PDSS2: variants seen among roughly 807,000 people sequenced by gnomAD.
PDSS2 encodes decaprenyl diphosphate synthase subunit 2.
A neutral mutation model predicts 44.5 loss-of-function variants in PDSS2; 31 were observed. The ratio of observed to expected loss-of-function variants is 0.70; its 90% CI spans 0.52 to 0.94. PDSS2 has a LOEUF of 0.94. Among genes scored for constraint, PDSS2 ranks in the 40% least tolerant of loss-of-function variants. The pLI is 0.00. For synonymous variants in PDSS2, 157 were observed against 180.3 expected (o/e 0.87, Z 1.03); for missense variants, 452 against 482.2 (o/e 0.94, Z 0.59).
chr6:107,311,042 T>C (rs2115115052), intron 2 of PDSS2, among the ~76,000 whole-genome samples: 1 of 151,834 alleles, frequency 6.6e-6, no homozygotes, highest in Non-Finnish European at 1.5e-5. Context: ...CTCAGCCTCC[T>C]GAGTAGCTGA....
intron 7 of PDSS2, among the ~76,000 whole-genome samples, chr6:107,170,901 C>A (rs189751306): frequency 1.5e-3 from 233 of 152,322 alleles, no homozygotes; most frequent in African/African-American, 5.5e-3. Flanking sequence ...GCATGAGCCA[C>A]TGCACCCAGC....
intron 7 of PDSS2, among the ~76,000 whole-genome samples, chr6:107,163,980 CAT>C (rs1452470111): frequency 6.6e-6 from 1 of 152,066 alleles, no homozygotes; most frequent in Non-Finnish European, 1.5e-5. Context: ...CCGTAAGACT[CAT>C]GTGGGGAACT....
intron 1 of PDSS2, among the ~76,000 whole-genome samples, chr6:107,414,563 T>C (rs1043827981): frequency 6.6e-6 from 1 of 152,224 alleles, no homozygotes; most frequent in African/African-American, 2.4e-5. Flanking sequence ...CTGCCTAAAC[T>C]GGATGCCAAA....
At chr6:107,355,089 C>T (rs766541447) in intron 1 of PDSS2, among the ~76,000 whole-genome samples, 18 of 152,108 alleles carry the variant, frequency 1.2e-4, no homozygotes, top group African/African-American at 2.9e-4. Context: ...TGCGCCACCA[C>T]GCCCAGCTAA....
Position 107,364,280 on chromosome 6 carries a change from G to A in PDSS2, c.297-29948C>T, listed in dbSNP as rs112131162. Among the ~76,000 whole-genome samples, 412 of 152,354 alleles carry A rather than the reference G, an allele frequency of 2.7e-3. 4 individuals carry two copies. The highest frequency in any genetic ancestry group is 9.6e-3 in the African/African-American group (400 of 41,578). ...CCTTGGGTGGTCGATGGGACTGGGC[G>A]CCGTGGAGTAGGGAGTGGTGCTGGT... On this transcript the variant is annotated intron_variant, in intron 1 of 7. Coordinates refer to ENST00000369037, the MANE Select transcript of PDSS2 (RefSeq NM_020381.4).
intron 1 of PDSS2, among the ~76,000 whole-genome samples, chr6:107,350,050 T>C (rs1778384392): frequency 6.6e-6 from 1 of 152,224 alleles, no homozygotes; most frequent in South Asian, 2.1e-4. Flanking sequence ...AGAAGTTCTC[T>C]CAGTGTGGAT....
At chr6:107,259,665 ACT>A (rs1775147592) in intron 3 of PDSS2, among the ~76,000 whole-genome samples, 1 of 148,324 alleles carries the variant, frequency 6.7e-6, no homozygotes, top group Non-Finnish European at 1.5e-5. Context: ...ACAGAACAAG[ACT>A]CTGTCTCAAA....
rs567428544 is a variant in PDSS2, at chr6:107,164,534, T to G, written c.1042-9757A>C. ...TGGCTGCATAGTATTCCATGGTGTA[T>G]AGGTGCCACATTTTATCAATCCAGT... On this transcript the variant is annotated intron_variant, in intron 7 of 7. Coordinates refer to ENST00000369037, the MANE Select transcript of PDSS2 (RefSeq NM_020381.4). 4.2e-3 allele frequency among the ~76,000 whole-genome samples: 635 copies of G among 152,328 alleles called. 3 individuals are homozygous for G. Among genetic ancestry groups the G allele is most frequent in the Non-Finnish European group, 7.5e-3 (509 of 68,036 alleles).
chr6:107,159,577 C>T (rs758745615), intron 7 of PDSS2, among the ~76,000 whole-genome samples: 6 of 151,648 alleles, frequency 4.0e-5, no homozygotes, highest in Admixed American at 1.3e-4. Context: ...CCACCATGCC[C>T]GGCTAATTTT....
At chr6:107,446,072 C>T (rs1318628887) in intron 1 of PDSS2, among the ~76,000 whole-genome samples, 2 of 152,266 alleles carry the variant, frequency 1.3e-5, no homozygotes, top group Middle Eastern at 3.4e-3. Context: ...AATCCCAGCA[C>T]TTTGAGAGGC....
In PDSS2 at chr6:107,333,517, T is replaced by C. The variant is rs543202445; in HGVS notation, c.431+681A>G. Among the ~76,000 whole-genome samples, 8 of 152,310 alleles carry C rather than the reference T, an allele frequency of 5.3e-5. No individual in the cohort carries two copies. In the South Asian group the frequency reaches 8.3e-4, roughly 16 times the overall value. On this transcript the variant is annotated intron_variant, in intron 2 of 7. Transcript: ENST00000369037. The stretch of plus-strand genomic sequence containing the variant: ...TTAAAATGACAGTAGCATCAATCTT[T>C]ATACAATGAGGTATTATTTTATCTT...
intron 1 of PDSS2, among the ~76,000 whole-genome samples, chr6:107,391,649 G>A (rs1216812665): frequency 6.6e-6 from 1 of 152,060 alleles, no homozygotes; most frequent in East Asian, 1.9e-4. Context: ...TATTTCCTTT[G>A]TGGAGGGTGG....
intron 4 of PDSS2, among the ~76,000 whole-genome samples, chr6:107,219,195 C>T (rs750977145): frequency 5.3e-5 from 8 of 152,172 alleles, no homozygotes; most frequent in Non-Finnish European, 7.3e-5. Flanking sequence ...AGTCCCATCT[C>T]CTACACAAAA....
intron 2 of PDSS2, among the ~76,000 whole-genome samples, chr6:107,291,530 T>G (rs891477860): frequency 3.3e-5 from 4 of 121,532 alleles, no homozygotes; most frequent in African/African-American, 1.2e-4. Flanking sequence ...AGTTAGTTTT[T>G]TTTTTTTTTT....
chr6:107,376,556 C>T (rs1025712783), intron 1 of PDSS2, among the ~76,000 whole-genome samples: 1 of 152,080 alleles, frequency 6.6e-6, no homozygotes, highest in African/African-American at 2.4e-5. Context: ...TGATTTGGCT[C>T]TCTGTCTGTT....
intron 4 of PDSS2, among the ~76,000 whole-genome samples, chr6:107,225,575 G>A (rs972510099): frequency 9.2e-5 from 14 of 152,094 alleles, no homozygotes; most frequent in African/African-American, 3.4e-4. Context: ...GTACAAGGAG[G>A]TGGGGCTAAT....
At chr6:107,423,075 C>A (rs1161735757) in intron 1 of PDSS2, among the ~76,000 whole-genome samples, 5 of 151,940 alleles carry the variant, frequency 3.3e-5, no homozygotes, top group Non-Finnish European at 4.4e-5. Context: ...ACAAAAAAAG[C>A]CTGACCAGGG....
At chr6:107,169,494 C>T (rs1224817305) in intron 7 of PDSS2, among the ~76,000 whole-genome samples, 1 of 152,186 alleles carries the variant, frequency 6.6e-6, no homozygotes, top group African/African-American at 2.4e-5. Flanking sequence ...AGTCATTCTC[C>T]ATCCAGCGTT....
chr6:107,186,903 G>C (rs1772189948), intron 7 of PDSS2, among the ~76,000 whole-genome samples: 1 of 152,160 alleles, frequency 6.6e-6, no homozygotes, highest in South Asian at 2.1e-4. Context: ...AGCAATAAAT[G>C]AATTTCACAA....
Sources: gnomAD v4.1 joint callset for allele counts (sites outside exome capture counted in the v4.1 genomes callset) on GRCh38, gnomAD v4.1.1 for gene constraint, MANE v1.5 for transcripts, NCBI Gene and HGNC (gene_info 2026-07-23, HGNC 2026-07-21) for gene names.